The following TMEM163 variants were observed in gnomAD, a reference collection of about 807,000 sequenced individuals.
TMEM163 encodes transmembrane protein 163.
TMEM163 carries 17 observed loss-of-function variants against 29.3 expected under a neutral mutation model. The ratio of observed to expected loss-of-function variants is 0.58; its 90% CI spans 0.40 to 0.87. The LOEUF (loss-of-function observed/expected upper bound fraction) is 0.87, where lower values mean the gene tolerates loss of function less well. TMEM163 is among the 40% of genes least tolerant of loss of function. The probability of loss-of-function intolerance (pLI) is 0.00; values close to 1 mark genes in which losing one functional copy is unlikely to be tolerated. For missense variants in TMEM163, 303 were observed against 381.5 expected, an observed-to-expected ratio of 0.79 and a Z score of 1.71; for synonymous variants, 157 against 160.6, an observed-to-expected ratio of 0.98 and a Z score of 0.17.
chr2:134,716,616 G>A (rs1202931156), intron 1 of TMEM163, among the ~76,000 whole-genome samples: 3 of 152,246 alleles, frequency 2.0e-5, no homozygotes, highest in South Asian at 2.1e-4. Flanking sequence ...ACACACGGCA[G>A]GCAAGTGCTG....
At chr2:134,478,982 G>A (rs927998094) in intron 5 of TMEM163, among the ~76,000 whole-genome samples, 2 of 152,152 alleles carry the variant, frequency 1.3e-5, no homozygotes, top group African/African-American at 4.8e-5. Context: ...GGGGATTAGT[G>A]CCCTTCCTCA....
intron 2 of TMEM163, among the ~76,000 whole-genome samples, chr2:134,568,350 C>G (rs754928897): frequency 1.7e-4 from 26 of 152,046 alleles, no homozygotes; most frequent in Non-Finnish European, 2.5e-4. Context: ...CATGGTGAAA[C>G]CCTGTCTCTA....
At chr2:134,465,210 C>CA (rs1391354612) in intron 6 of TMEM163, among the ~76,000 whole-genome samples, 3 of 120,992 alleles carry the variant, frequency 2.5e-5, no homozygotes, top group African/African-American at 1.3e-4. Flanking sequence ...AAAACAAAAA[C>CA]AAAACAAAAA....
chr2:134,559,967 T>C (rs1235471228), intron 2 of TMEM163, among the ~76,000 whole-genome samples: 1 of 151,980 alleles, frequency 6.6e-6, no homozygotes, highest in Non-Finnish European at 1.5e-5. Context: ...TGTTCTCTGA[T>C]CTCCTCTTCT....
Position 134,679,814 on chromosome 2 carries a change from C to G in TMEM163, c.322+33386G>C, listed in dbSNP as rs1462268593. On this transcript the variant is annotated intron_variant, in intron 2 of 7. Coordinates refer to ENST00000281924, the MANE Select transcript of TMEM163 (RefSeq NM_030923.5). ...CTTCGTCGCCAGCTCCCACCACCAC[C>G]CCACAGCTGAATTATGGGGAAGTGA... Among the ~76,000 whole-genome samples the G allele has an allele frequency of 2.6e-5, 4 of 152,210 alleles. 1 individual carries two copies. Among genetic ancestry groups the G allele is most frequent in the Admixed American group, 2.6e-4 (4 of 15,286 alleles).
intron 2 of TMEM163, among the ~76,000 whole-genome samples, chr2:134,704,168 G>A (rs1418185189): frequency 6.6e-6 from 1 of 151,980 alleles, no homozygotes; most frequent in African/African-American, 2.4e-5. Context: ...GTGCTCCAGG[G>A]GTATTTCCAA....
intron 1 of TMEM163, among the ~76,000 whole-genome samples, chr2:134,716,611 C>T (rs190504392): frequency 4.6e-5 from 7 of 152,244 alleles, no homozygotes; most frequent in Non-Finnish European, 1.5e-5. Flanking sequence ...CAGAGACACA[C>T]GGCAGGCAAG....
chr2:134,609,620 C>G (rs1169962895), intron 2 of TMEM163, among the ~76,000 whole-genome samples: 1 of 73,052 alleles, frequency 1.4e-5, no homozygotes, highest in Non-Finnish European at 2.6e-5. Flanking sequence ...AAAAGGAGGA[C>G]AGACCCCGAG....
chr2:134,564,835 G>C (rs1681261054), intron 2 of TMEM163, among the ~76,000 whole-genome samples: 1 of 152,162 alleles, frequency 6.6e-6, no homozygotes, highest in Non-Finnish European at 1.5e-5. Flanking sequence ...AAGTAAAAAA[G>C]CTGACAGTTT....
At chr2:134,603,200 C>T (rs1400789775) in intron 2 of TMEM163, among the ~76,000 whole-genome samples, 4 of 152,170 alleles carry the variant, frequency 2.6e-5, no homozygotes, top group Non-Finnish European at 4.4e-5. Context: ...CCCCAAAATC[C>T]ACTCAAGGAC....
In TMEM163 at chr2:134,550,558, G is replaced by T. The variant is rs147798868; in HGVS notation, c.458+12C>A. The T allele has an allele frequency of 5.9e-4, 957 of 1,613,430 alleles. 6 individuals are homozygous for T. The African/African-American group carries it at 0.012, about 19-fold the overall frequency. On this transcript the variant is annotated intron_variant, in intron 4 of 7. Transcript: ENST00000281924. ...GGTTCTTCAGCCTGGAGAAAGACAA[G>T]AATCTACTTACATGTACTCCCTATG...
At chr2:134,664,034 T>TC in intron 2 of TMEM163, among the ~76,000 whole-genome samples, 1 of 152,286 alleles carries the variant, frequency 6.6e-6, no homozygotes, top group African/African-American at 2.4e-5. Context: ...GTTCCATGCC[T>TC]CTCCTCCTCC....
intron 2 of TMEM163, among the ~76,000 whole-genome samples, chr2:134,672,862 C>T (rs1446135753): frequency 6.6e-6 from 1 of 152,164 alleles, no homozygotes; most frequent in Non-Finnish European, 1.5e-5. Context: ...ACCCTGGACT[C>T]AGTCCCAATG....
chr2:134,679,671 A>C (rs1574333728), intron 2 of TMEM163, among the ~76,000 whole-genome samples: 1 of 152,222 alleles, frequency 6.6e-6, no homozygotes, highest in South Asian at 2.1e-4. Flanking sequence ...CCTGGAAAGG[A>C]CTTAAGATAG....
chr2:134,524,792 CA>C (rs1476279957), intron 4 of TMEM163, among the ~76,000 whole-genome samples: 1 of 150,290 alleles, frequency 6.7e-6, no homozygotes, highest in African/African-American at 2.4e-5. Flanking sequence ...GGGTTGATTC[CA>C]TGTCTTTGCT....
chr2:134,553,381 C>T (rs1384119588), intron 2 of TMEM163, among the ~76,000 whole-genome samples: 2 of 152,200 alleles, frequency 1.3e-5, no homozygotes, highest in Non-Finnish European at 2.9e-5. Flanking sequence ...GCACCTGATC[C>T]ACTGTGAACC....
At chr2:134,532,390 G>A (rs1272724930) in intron 4 of TMEM163, among the ~76,000 whole-genome samples, 2 of 152,216 alleles carry the variant, frequency 1.3e-5, no homozygotes, top group Admixed American at 6.5e-5. Context: ...CTGTCTTAGG[G>A]ATTGGGTATA....
At chr2:134,686,755 G>A (rs1684360475) in intron 2 of TMEM163, among the ~76,000 whole-genome samples, 1 of 152,206 alleles carries the variant, frequency 6.6e-6, no homozygotes, top group Non-Finnish European at 1.5e-5. Context: ...TACTTGCAAG[G>A]TAACAAGTTA....
intron 2 of TMEM163, among the ~76,000 whole-genome samples, chr2:134,596,066 G>T (rs555890152): frequency 4.7e-4 from 72 of 152,160 alleles, no homozygotes; most frequent in African/African-American, 1.1e-3. Context: ...GTAGGTTGCC[G>T]GTTCACTCTG....
Sources: gnomAD v4.1 joint callset for allele counts (sites outside exome capture counted in the v4.1 genomes callset) on GRCh38, gnomAD v4.1.1 for gene constraint, MANE v1.5 for transcripts, NCBI Gene and HGNC (gene_info 2026-07-23, HGNC 2026-07-21) for gene names.